The following AGBL4 variants were observed in gnomAD, a reference collection of about 807,000 sequenced individuals.
AGBL4 encodes AGBL carboxypeptidase 4.
Under a neutral mutation model 66.4 loss-of-function variants are expected in AGBL4, and 58 were observed. The ratio of observed to expected loss-of-function variants is 0.87; its 90% CI spans 0.71 to 1.09. AGBL4 has a LOEUF of 1.09. Among genes scored for constraint, AGBL4 ranks in the 50% least tolerant of loss-of-function variants. The pLI, the probability that AGBL4 is intolerant of heterozygous loss-of-function variation, is 0.00. For synonymous variants in AGBL4, 234 were observed against 222.9 expected (o/e 1.05, Z -0.44); for missense variants, 579 against 631.0 (o/e 0.92, Z 0.88).
At chr1:49,930,610 C>A (rs1309596102) in intron 1 of AGBL4, among the ~76,000 whole-genome samples, 2 of 152,006 alleles carry the variant, frequency 1.3e-5, no homozygotes, top group African/African-American at 4.8e-5. Flanking sequence ...ATATGAAGAA[C>A]ACAAGGTTGG....
chr1:48,617,974 C>G (rs148743772), intron 9 of AGBL4, among the ~76,000 whole-genome samples: 1 of 152,170 alleles, frequency 6.6e-6, no homozygotes, highest in Admixed American at 6.5e-5. Flanking sequence ...GGTGTGCTCA[C>G]CTCTGGGCCA....
chr1:49,963,898 A>G lies in AGBL4; in HGVS notation c.34+59865T>C, dbSNP rs572489103. ...CCAAAAATTGTTCTTCAAAAATGCA[A>G]TGGAATAATAACTAAGAATGGAATG... On this transcript the variant is annotated intron_variant, in intron 1 of 13. Transcript: ENST00000371839. Among the ~76,000 whole-genome samples, 477 of 152,216 alleles carry G rather than the reference A, an allele frequency of 3.1e-3. 2 individuals are homozygous for G. The highest frequency in any genetic ancestry group is 9.6e-3 in the African/African-American group (398 of 41,566).
chr1:49,930,329 A>G (rs1438299593), intron 1 of AGBL4, among the ~76,000 whole-genome samples: 1 of 152,066 alleles, frequency 6.6e-6, no homozygotes, highest in East Asian at 1.9e-4. Flanking sequence ...ATAAAAACCT[A>G]CCCACATAGA....
At chr1:49,995,193 G>A (rs578096057) in intron 1 of AGBL4, 3 of 456,272 alleles carry the variant, frequency 6.6e-6, no homozygotes, top group South Asian at 3.1e-5. Context: ...ACTGGGGCAG[G>A]TGGGGAGGCA....
At chr1:49,916,897 C>T (rs1224618854) in intron 1 of AGBL4, among the ~76,000 whole-genome samples, 11 of 152,084 alleles carry the variant, frequency 7.2e-5, no homozygotes, top group Non-Finnish European at 7.4e-5. Context: ...CGGCAGAAAC[C>T]CTACAAGCCA....
At chr1:49,181,461 GCCACAGCT>G (rs1178337767) in intron 4 of AGBL4, among the ~76,000 whole-genome samples, 1 of 152,198 alleles carries the variant, frequency 6.6e-6, no homozygotes, top group African/African-American at 2.4e-5. Context: ...TGAATCCTCA[GCCACAGCT>G]CTACTACCTC....
intron 2 of AGBL4, among the ~76,000 whole-genome samples, chr1:49,832,259 T>A (rs1337602430): frequency 6.6e-6 from 1 of 151,538 alleles, no homozygotes; most frequent in Non-Finnish European, 1.5e-5. Context: ...TGGTTTTTTG[T>A]TCTTGCGATA....
chr1:49,051,496 T>C (rs567080860), intron 4 of AGBL4, among the ~76,000 whole-genome samples: 1 of 152,280 alleles, frequency 6.6e-6, no homozygotes, highest in African/African-American at 2.4e-5. Flanking sequence ...ATATTTGAAA[T>C]TGAGGTAAGA....
At chr1:49,799,106 T>C (rs1644798435) in intron 2 of AGBL4, among the ~76,000 whole-genome samples, 1 of 152,118 alleles carries the variant, frequency 6.6e-6, no homozygotes, top group Non-Finnish European at 1.5e-5. Context: ...TGAATTACTA[T>C]ATTAGTAGTG....
At chr1:48,951,904 T>C (rs997692443) in intron 5 of AGBL4, among the ~76,000 whole-genome samples, 1 of 152,206 alleles carries the variant, frequency 6.6e-6, no homozygotes, top group Non-Finnish European at 1.5e-5. Context: ...AATGGCCTTA[T>C]GAGGGAAGCA....
intron 6 of AGBL4, among the ~76,000 whole-genome samples, chr1:48,778,875 A>C (rs138639199): frequency 8.9e-4 from 136 of 152,202 alleles, no homozygotes; most frequent in African/African-American, 3.2e-3. Flanking sequence ...GGTCAGTACA[A>C]ATTTTTTTAA....
At chr1:49,702,506 A>G (rs920313795) in intron 2 of AGBL4, among the ~76,000 whole-genome samples, 8 of 152,116 alleles carry the variant, frequency 5.3e-5, no homozygotes, top group African/African-American at 1.9e-4. Flanking sequence ...ATAAAATAAA[A>G]TAACACCAAT....
intron 3 of AGBL4, among the ~76,000 whole-genome samples, chr1:49,687,223 G>A (rs1282356796): frequency 6.6e-6 from 1 of 152,114 alleles, no homozygotes; most frequent in Non-Finnish European, 1.5e-5. Flanking sequence ...TGAAACCCTG[G>A]ACAAAACCAC....
intron 5 of AGBL4, among the ~76,000 whole-genome samples, chr1:48,887,033 A>G (rs953088839): frequency 2.0e-5 from 3 of 152,112 alleles, no homozygotes; most frequent in African/African-American, 7.2e-5. Context: ...ATCTTGACAA[A>G]TTTCCTAAAG....
chr1:49,520,210 G>T (rs1650146797), intron 3 of AGBL4, among the ~76,000 whole-genome samples: 1 of 151,828 alleles, frequency 6.6e-6, no homozygotes, highest in African/African-American at 2.4e-5. Flanking sequence ...TCCTCCTCTG[G>T]TTATGCTTGT....
intron 1 of AGBL4, among the ~76,000 whole-genome samples, chr1:49,857,694 A>T (rs534222175): frequency 6.6e-6 from 1 of 152,220 alleles, no homozygotes; most frequent in South Asian, 2.1e-4. Flanking sequence ...ATGAAACTAG[A>T]CCCCATCTCT....
At chr1:49,114,936 T>C (rs1402250238) in intron 4 of AGBL4, among the ~76,000 whole-genome samples, 1 of 152,172 alleles carries the variant, frequency 6.6e-6, no homozygotes, top group Non-Finnish European at 1.5e-5. Context: ...TGAAAAAGTT[T>C]GAAATATTGC....
chr1:49,455,690 A>C (rs1354583288), intron 3 of AGBL4, among the ~76,000 whole-genome samples: 1 of 151,678 alleles, frequency 6.6e-6, no homozygotes, highest in Non-Finnish European at 1.5e-5. Context: ...TTAGAGGAAA[A>C]TCCACATTCC....
At chr1:49,745,025 C>A (rs894875860) in intron 2 of AGBL4, among the ~76,000 whole-genome samples, 1 of 151,892 alleles carries the variant, frequency 6.6e-6, no homozygotes, top group Non-Finnish European at 1.5e-5. Context: ...ATACAGAACA[C>A]AAATAATAAA....
Sources: gnomAD v4.1 joint callset for allele counts (sites outside exome capture counted in the v4.1 genomes callset) on GRCh38, gnomAD v4.1.1 for gene constraint, MANE v1.5 for transcripts, NCBI Gene and HGNC (gene_info 2026-07-23, HGNC 2026-07-21) for gene names.